The following SYNE2 variants were observed in gnomAD, a reference collection of about 807,000 sequenced individuals.
SYNE2 encodes the protein spectrin repeat containing nuclear envelope protein 2.
A neutral mutation model predicts 856.3 loss-of-function variants in SYNE2; 431 were observed. The observed-to-expected ratio is 0.50, with a 90% confidence interval of 0.47 to 0.55. SYNE2 has a LOEUF of 0.55. Among genes scored for constraint, SYNE2 ranks in the 20% least tolerant of loss-of-function variants. The pLI is 0.00. For synonymous variants in SYNE2, 2,923 were observed against 2,872.3 expected (o/e 1.02, Z -0.56); for missense variants, 8,129 against 8,023.2 (o/e 1.01, Z -0.50).
chr14:64,164,973 G>T (rs1398386462), intron 89 of SYNE2, among the ~76,000 whole-genome samples: 1 of 151,514 alleles, frequency 6.6e-6, no homozygotes, highest in Non-Finnish European at 1.5e-5. Flanking sequence ...CTGCAGCCTT[G>T]ACCTCCCAGG....
rs756622480 is a variant in SYNE2 at position 64,029,991 on chromosome 14, G to A, written c.6811G>A (p.Glu2271Lys). Residue 2271 changes from glutamate (E) to lysine (K), a missense_variant, in exon 44 of 116, where the codon GAA becomes AAA. Glu to Lys is a moderately conservative substitution (Grantham distance 56). Around this residue, in one of 3 missense-constraint regions of SYNE2, gnomAD observed 297 missense variants for 380.9 expected, o/e 0.78. Transcript: ENST00000555002. ...LNTTLDNFSK[E>K]FVSFSDKPVD... ...TACTACATTGGACAATTTCTCCAAG[G>A]AATTTGTCAGTTTTTCTGATAAGCC... is the stretch of plus-strand genomic sequence containing the variant. 2.5e-6 allele frequency: 4 copies of A among 1,614,104 alleles called. No individual in the cohort carries two copies. In the South Asian group the frequency reaches 4.4e-5, roughly 18 times the overall value.
intron 14 of SYNE2, among the ~76,000 whole-genome samples, chr14:63,979,927 G>A (rs894850419): frequency 6.8e-6 from 1 of 147,714 alleles, no homozygotes; most frequent in African/African-American, 2.4e-5. Flanking sequence ...ATAGAAATGA[G>A]GGGGGGAAGG....
chr14:63,998,805 C>T, intron 26 of SYNE2, 109 bp from the exon 27 acceptor site: 2 of 1,242,276 alleles, frequency 1.6e-6, no homozygotes, highest in East Asian at 2.5e-5. Flanking sequence ...TCAGGCAATC[C>T]ACCCGCCTTG....
intron 7 of SYNE2, among the ~76,000 whole-genome samples, chr14:63,952,421 TTTTGCCATTGCATTACAA>T (rs1268578520): frequency 6.6e-6 from 1 of 152,268 alleles, no homozygotes; most frequent in East Asian, 1.9e-4. Flanking sequence ...ATTGCATTAC[TTTTGCCATTGCATTACAA>T]TTTGCCATTA....
chr14:63,780,526 C>T (rs1392373315), intron 1 of SYNE2, among the ~76,000 whole-genome samples: 1 of 152,064 alleles, frequency 6.6e-6, no homozygotes, highest in Non-Finnish European at 1.5e-5. Context: ...AGAGCAAGAC[C>T]CTGTCTCTAA....
chr14:64,083,307 C>CT (rs2097537618), intron 57 of SYNE2, among the ~76,000 whole-genome samples: 1 of 151,008 alleles, frequency 6.6e-6, no homozygotes, highest in Non-Finnish European at 1.5e-5. Flanking sequence ...TTTTTAAACT[C>CT]TTTATCACCT....
intron 29 of SYNE2, 136 bp downstream of exon 29, chr14:64,002,217 T>C: frequency 1.3e-6 from 1 of 784,214 alleles, no homozygotes; most frequent in Non-Finnish European, 2.1e-6. Flanking sequence ...TTTCAGTAAT[T>C]TAGACTTGTT....
At chr14:64,211,074 T>C (rs2098638524) in intron 103 of SYNE2, among the ~76,000 whole-genome samples, 2 of 152,120 alleles carry the variant, frequency 1.3e-5, no homozygotes, top group African/African-American at 4.8e-5. Flanking sequence ...CTCAAACTCC[T>C]AGGCTCAAGG....
intron 1 of SYNE2, among the ~76,000 whole-genome samples, chr14:63,853,716 G>A (rs974368004): frequency 6.6e-6 from 1 of 151,634 alleles, no homozygotes; most frequent in African/African-American, 2.4e-5. Context: ...GGCTGGAGAG[G>A]GCGCGGGGAC....
At chr14:64,112,322 T>C (rs946118667) in intron 65 of SYNE2, among the ~76,000 whole-genome samples, 1 of 152,226 alleles carries the variant, frequency 6.6e-6, no homozygotes, top group South Asian at 2.1e-4. Context: ...TAGAAAACAT[T>C]GTATTTTATC....
chr14:64,014,420 GT>G (rs920833939), intron 32 of SYNE2, among the ~76,000 whole-genome samples: 20 of 151,670 alleles, frequency 1.3e-4, no homozygotes, highest in Admixed American at 1.1e-3. Flanking sequence ...AATTGCATGG[GT>G]TTTTTTTGTT....
intron 1 of SYNE2, among the ~76,000 whole-genome samples, chr14:63,828,368 G>A (rs1347262742): frequency 2.0e-5 from 3 of 151,986 alleles, no homozygotes; most frequent in African/African-American, 7.2e-5. Flanking sequence ...GGCCTGGTGA[G>A]GTGGTTCACA....
At chr14:64,032,390 T>C (rs2097046538) in intron 45 of SYNE2, among the ~76,000 whole-genome samples, 1 of 151,980 alleles carries the variant, frequency 6.6e-6, no homozygotes, top group Non-Finnish European at 1.5e-5. Flanking sequence ...GAACCCTGTC[T>C]CTACCAAAAA....
intron 45 of SYNE2, 46 bp downstream of exon 45, chr14:64,031,403 A>T: frequency 1.3e-6 from 2 of 1,561,472 alleles, no homozygotes; most frequent in Non-Finnish European, 1.8e-6. Flanking sequence ...TCTGAGAATG[A>T]AGAGGTATTT....
At chr14:64,198,572 C>A (rs545526698) in intron 99 of SYNE2, among the ~76,000 whole-genome samples, 1 of 152,238 alleles carries the variant, frequency 6.6e-6, no homozygotes, top group South Asian at 2.1e-4. Context: ...TTGGGATATA[C>A]CGGCTAAATC....
chr14:64,111,491 T>C (rs927756615), intron 65 of SYNE2, among the ~76,000 whole-genome samples: 6 of 151,602 alleles, frequency 4.0e-5, no homozygotes, highest in Non-Finnish European at 8.8e-5. Context: ...ATCACACAAC[T>C]GTTGCTTTTT....
chr14:64,041,329 T>A (rs1015341472), intron 45 of SYNE2, among the ~76,000 whole-genome samples: 1 of 152,004 alleles, frequency 6.6e-6, no homozygotes, highest in African/African-American at 2.4e-5. Flanking sequence ...GAGAGACAAA[T>A]TTTGACTAGA....
At position 64,130,087 on chromosome 14, in the gene SYNE2, T is replaced by G. The variant is rs2097999211; in HGVS notation, c.14179T>G (p.Tyr4727Asp). ...DSMWGMLRAR[Y>D]TELSSPFVTE... ...TATGTGGGGAATGCTAAGAGCCAGG[T>G]ACACAGAACTCAGCAGCCCTTTCGT... Residue 4727 changes from tyrosine to aspartate, a missense_variant, in exon 76 of 116, where the codon TAC becomes GAC. Tyr to Asp is a radical substitution (Grantham distance 160). Transcript: ENST00000555002. The G allele has an allele frequency of 1.2e-6, 2 of 1,614,088 alleles. No homozygotes were observed. Among genetic ancestry groups the G allele is most frequent in the Non-Finnish European group, 1.7e-6 (2 of 1,180,022 alleles).
chr14:63,942,159 A>G lies in SYNE2; in HGVS notation c.408+16A>G. Reference sequence around the variant, plus strand: ...GCACTTTCATGTAAGTAGTTTGATGATATAAAAATTATTTCTACCCTACCA... The same window carrying G: ...GCACTTTCATGTAAGTAGTTTGATGGTATAAAAATTATTTCTACCCTACCA... On this transcript the variant is annotated intron_variant, in intron 6 of 115. Transcript: ENST00000555002. 4.1e-6 allele frequency: 6 copies of G among 1,481,304 alleles called. No individual in the cohort carries two copies. The highest frequency in any genetic ancestry group is 5.6e-6 in the Non-Finnish European group (6 of 1,062,172). The allele number at this position is 1,481,304 out of a possible 1,614,324, so 91.8% of individuals were successfully genotyped here.
Sources: gnomAD v4.1 joint callset for allele counts (sites outside exome capture counted in the v4.1 genomes callset) on GRCh38, gnomAD v4.1.1 for gene constraint, gnomAD v4.1.1 regional missense constraint, MANE v1.5 for transcripts, NCBI Gene and HGNC (gene_info 2026-07-23, HGNC 2026-07-21) for gene names.